PAK1: variants seen among roughly 807,000 people sequenced by gnomAD.
PAK1 encodes serine/threonine-protein kinase PAK 1.
A neutral mutation model predicts 67.4 loss-of-function variants in PAK1; 29 were observed. The observed-to-expected ratio is 0.43, with a 90% CI of 0.32 to 0.59. PAK1 has a LOEUF of 0.59. Among genes scored for constraint, PAK1 ranks in the 20% least tolerant of loss-of-function variants. The probability of loss-of-function intolerance (pLI) is 0.07; values close to 1 mark genes in which losing one functional copy is unlikely to be tolerated. For synonymous variants in PAK1, 223 were observed against 237.4 expected (o/e 0.94, Z 0.56); for missense variants, 337 against 670.7 (o/e 0.50, Z 5.50).
chr11:77,383,474 C>T (rs751097355), intron 2 of PAK1, among the ~76,000 whole-genome samples: 3 of 151,880 alleles, frequency 2.0e-5, no homozygotes, highest in African/African-American at 4.8e-5. Context: ...TACAGGCACC[C>T]GCCACCATAC....
At chr11:77,362,401 C>T (rs61901809) in intron 5 of PAK1, among the ~76,000 whole-genome samples, 10,684 of 151,944 alleles carry the variant, frequency 0.07, 532 homozygotes, top group Non-Finnish European at 0.1. Context: ...TCTTTTTCTT[C>T]TTCATTAGAA....
intron 5 of PAK1, 68 bp downstream of exon 5, chr11:77,374,260 T>C (rs1050807009): frequency 2.0e-5 from 21 of 1,047,290 alleles, no homozygotes; most frequent in Non-Finnish European, 3.0e-5. Flanking sequence ...AGGCTCTGCC[T>C]CTACCACACT....
the PAK1 span, among the ~76,000 whole-genome samples, chr11:77,490,064 C>T: frequency 6.6e-6 from 1 of 151,134 alleles, no homozygotes; most frequent in South Asian, 2.1e-4. Flanking sequence ...GCCCGGCCGC[C>T]CATCGTCTGA....
chr11:77,383,432 C>A (rs1270392530), intron 2 of PAK1, among the ~76,000 whole-genome samples: 2 of 150,816 alleles, frequency 1.3e-5, no homozygotes, highest in African/African-American at 4.9e-5. Flanking sequence ...TCAAGCAATT[C>A]TCCCTGCCTC....
chr11:77,421,522 T>G (rs1955261614), intron 1 of PAK1, among the ~76,000 whole-genome samples: 1 of 152,242 alleles, frequency 6.6e-6, no homozygotes, highest in South Asian at 2.1e-4. Flanking sequence ...CTCCCTCCAA[T>G]GGAACATATG....
intron 12 of PAK1, 96 bp from the exon 13 acceptor site, chr11:77,336,378 G>T: frequency 1.1e-6 from 1 of 877,988 alleles, no homozygotes; most frequent in East Asian, 2.6e-5. Context: ...GACAAGATCC[G>T]CCTGGCTTCC....
chr11:77,391,302 A>G (rs1055427102), intron 2 of PAK1, among the ~76,000 whole-genome samples: 1 of 152,230 alleles, frequency 6.6e-6, no homozygotes, highest in Non-Finnish European at 1.5e-5. Context: ...ACAGAGAACT[A>G]ACATTCAAAT....
At chr11:77,434,078 G>C (rs899473902) in intron 1 of PAK1, among the ~76,000 whole-genome samples, 3 of 152,118 alleles carry the variant, frequency 2.0e-5, no homozygotes, top group Admixed American at 6.5e-5. Context: ...AAACAGTCAG[G>C]TAGTTCCTCA....
At chr11:77,483,472 T>C in the PAK1 span, among the ~76,000 whole-genome samples, 1 of 152,222 alleles carries the variant, frequency 6.6e-6, no homozygotes, top group Non-Finnish European at 1.5e-5. Context: ...ATTGAATGAT[T>C]CCATTTACAT....
chr11:77,399,357 T>C lies in PAK1; in HGVS notation c.-21-6816A>G, dbSNP rs1170353197. On this transcript the variant is annotated intron_variant, in intron 1 of 14. Coordinates refer to ENST00000356341, the MANE Select transcript of PAK1 (RefSeq NM_002576.5). The stretch of plus-strand genomic sequence containing the variant: ...AAAGAAATGTTAAATTGAATTTGAG[T>C]GATCAGTGAAGTTTCAGAAAAGAGG... Among the ~76,000 whole-genome samples, 3 of 152,040 alleles carry C rather than the reference T, an allele frequency of 2.0e-5. No homozygotes were observed. The East Asian group carries it at 5.8e-4, about 29-fold the overall frequency.
intron 3 of PAK1, 76 bp downstream of exon 3, chr11:77,379,818 T>C: frequency 7.2e-6 from 7 of 971,930 alleles, no homozygotes; most frequent in Non-Finnish European, 1.1e-5. Context: ...ATCAGGAAGA[T>C]GAGAAAGGGT....
At chr11:77,444,222 C>T (rs569365849) in intron 1 of PAK1, among the ~76,000 whole-genome samples, 1 of 151,582 alleles carries the variant, frequency 6.6e-6, no homozygotes, top group Admixed American at 6.6e-5. Context: ...GGACAAGAAT[C>T]CAGTTTCCTT....
Position 77,367,514 on chromosome 11 carries a change from A to AT in PAK1, c.477+6813dup, listed in dbSNP as rs547635219. On this transcript the variant is annotated intron_variant, in intron 5 of 14. Transcript: ENST00000356341. ...TATCAATTCTGGAAACAAGAATGCT[A>AT]TATATTTTCTTAAAATAAAAAAGTG... 1.1e-4 allele frequency among the ~76,000 whole-genome samples: 17 copies of AT among 152,342 alleles called. No individual in the cohort carries two copies. The South Asian group carries it at 3.3e-3, about 30-fold the overall frequency.
intron 1 of PAK1, among the ~76,000 whole-genome samples, chr11:77,458,528 C>T (rs1033995299): frequency 6.6e-6 from 1 of 152,156 alleles, no homozygotes; most frequent in African/African-American, 2.4e-5. Flanking sequence ...AGGCCATTAT[C>T]CAATATTGCC....
chr11:77,404,281 T>C (rs1452161987), intron 1 of PAK1, among the ~76,000 whole-genome samples: 1 of 151,970 alleles, frequency 6.6e-6, no homozygotes, highest in Non-Finnish European at 1.5e-5. Context: ...CTTTTTTTTT[T>C]TTCTGAGATG....
chr11:77,346,177 T>C (rs1185311229), intron 9 of PAK1, among the ~76,000 whole-genome samples: 1 of 152,158 alleles, frequency 6.6e-6, no homozygotes, highest in Non-Finnish European at 1.5e-5. Context: ...TTTCACCACG[T>C]TGGCCAGGCT....
intron 1 of PAK1, among the ~76,000 whole-genome samples, chr11:77,397,716 CCA>C (rs1325446347): frequency 1.3e-5 from 2 of 152,190 alleles, no homozygotes; most frequent in Non-Finnish European, 2.9e-5. Flanking sequence ...ACCCTGGATT[CCA>C]CAGTCACCGG....
upstream of PAK1, chr11:77,475,591 T>G (rs1173971075): frequency 6.6e-6 from 1 of 152,228 alleles, no homozygotes; most frequent in African/African-American, 2.4e-5. Flanking sequence ...ACACATTTCT[T>G]CATGTCTTCA....
chr11:77,466,239 T>C (rs950248343), intron 1 of PAK1, among the ~76,000 whole-genome samples: 1 of 152,228 alleles, frequency 6.6e-6, no homozygotes, highest in Non-Finnish European at 1.5e-5. Context: ...CACATTTATA[T>C]GACAGCTAAG....
Sources: allele counts gnomAD v4.1 joint callset (sites outside exome capture counted in the v4.1 genomes callset), GRCh38; gene constraint gnomAD v4.1.1; transcripts MANE v1.5; gene names NCBI Gene and HGNC (gene_info 2026-07-23, HGNC 2026-07-21).